Variants in CLVS1 observed in about 807,000 individuals in gnomAD.
CLVS1 encodes clavesin-1.
In CLVS1, 10 loss-of-function variants were observed where a neutral mutation model predicts 33.1. The observed-to-expected ratio is 0.30, with a 90% CI of 0.19 to 0.51. The LOEUF (loss-of-function observed/expected upper bound fraction) is 0.51. Ranked by LOEUF, CLVS1 falls within the 20% of genes least tolerant of loss-of-function variation. The probability of loss-of-function intolerance (pLI) is 0.97; values close to 1 mark genes in which losing one functional copy is unlikely to be tolerated. For missense variants in CLVS1, 343 were observed against 433.4 expected (o/e 0.79, Z 1.85); for synonymous variants, 163 against 166.1 (o/e 0.98, Z 0.14).
intron 2 of CLVS1, among the ~76,000 whole-genome samples, chr8:61,136,418 G>C (rs1388306427): frequency 6.6e-6 from 1 of 152,182 alleles, no homozygotes; most frequent in Non-Finnish European, 1.5e-5. Flanking sequence ...CAGTTGCAAA[G>C]ACATGGCATC....
At chr8:60,978,697 G>A in the CLVS1 span, among the ~76,000 whole-genome samples, 1 of 150,188 alleles carries the variant, frequency 6.7e-6, no homozygotes, top group Admixed American at 6.7e-5. Context: ...TGCCTGTAAT[G>A]CCAGATACTC....
chr8:61,231,046 T>C (rs1357371829), intron 2 of CLVS1, among the ~76,000 whole-genome samples: 2 of 152,114 alleles, frequency 1.3e-5, no homozygotes, highest in Non-Finnish European at 2.9e-5. Context: ...GGTTTCAACA[T>C]GTGTATCTTA....
At chr8:61,290,042 T>G in intron 1 of CLVS1, among the ~76,000 whole-genome samples, 1 of 152,218 alleles carries the variant, frequency 6.6e-6, no homozygotes, top group East Asian at 1.9e-4. Flanking sequence ...AGAAAGGAGA[T>G]TCTTAAAACT....
chr8:61,279,524 T>G (rs976282033), intron 2 of CLVS1, among the ~76,000 whole-genome samples: 4 of 152,210 alleles, frequency 2.6e-5, no homozygotes, highest in African/African-American at 9.6e-5. Context: ...CATTCAAATT[T>G]TGCAGAAAGA....
At chr8:61,374,577 T>C (rs980426810) in intron 2 of CLVS1, among the ~76,000 whole-genome samples, 7 of 152,154 alleles carry the variant, frequency 4.6e-5, no homozygotes, top group African/African-American at 1.7e-4. Flanking sequence ...GATAATTGTT[T>C]TGATGTGAAA....
chr8:61,051,932 C>T, the CLVS1 span, among the ~76,000 whole-genome samples: 370 of 152,382 alleles, frequency 2.4e-3, 1 homozygote, highest in African/African-American at 7.9e-3. Flanking sequence ...GTTGCCCAGG[C>T]CTCCTGTCCA....
At chr8:61,454,020 C>G in intron 3 of CLVS1, 121 bp from the exon 4 acceptor site, 1 of 730,856 alleles carries the variant, frequency 1.4e-6, no homozygotes, top group Non-Finnish European at 2.5e-6. Flanking sequence ...TCTCCTCATC[C>G]TGAAGCTAGA....
At chr8:61,455,736 C>T (rs1817126608) in intron 4 of CLVS1, among the ~76,000 whole-genome samples, 1 of 152,130 alleles carries the variant, frequency 6.6e-6, no homozygotes, top group African/African-American at 2.4e-5. Context: ...TCCTACAACA[C>T]CTTTTCCTGA....
At position 61,066,828 on chromosome 8, in the gene CLVS1, C is replaced by A. The variant is rs1200064793; in HGVS notation, c.-243+9598C>A. 2.0e-5 allele frequency among the ~76,000 whole-genome samples: 3 copies of A among 152,200 alleles called. No individual in the cohort carries two copies. In the East Asian group the frequency reaches 5.8e-4, roughly 29 times the overall value. On this transcript the variant is annotated intron_variant, in intron 1 of 2. Transcript: ENST00000522621. The stretch of plus-strand genomic sequence containing the variant: ...CAGTGGTATCTGTGTGTTGTTCCTG[C>A]CAAATTAGCCAGAAAGTTGGGAGTG...
At chr8:61,436,850 AGATT>A (rs1318116697) in intron 3 of CLVS1, among the ~76,000 whole-genome samples, 1 of 152,188 alleles carries the variant, frequency 6.6e-6, no homozygotes, top group Non-Finnish European at 1.5e-5. Flanking sequence ...GACAATAGAT[AGATT>A]AATAGGAGAA....
chr8:61,443,683 C>T (rs768233398), intron 3 of CLVS1, among the ~76,000 whole-genome samples: 1 of 152,110 alleles, frequency 6.6e-6, no homozygotes, highest in African/African-American at 2.4e-5. Context: ...ATAATTCCTT[C>T]CACTTTATTC....
At chr8:61,244,233 A>G (rs564114396) in intron 2 of CLVS1, among the ~76,000 whole-genome samples, 1 of 151,528 alleles carries the variant, frequency 6.6e-6, no homozygotes, top group South Asian at 2.1e-4. Context: ...TTTCTTTTTT[A>G]TTTCTTCTGT....
the CLVS1 span, among the ~76,000 whole-genome samples, chr8:61,026,090 T>A: frequency 1.4e-5 from 2 of 145,514 alleles, no homozygotes; most frequent in African/African-American, 5.1e-5. Flanking sequence ...TACCTCAGAA[T>A]GAGACTGTGT....
At chr8:61,272,850 C>A (rs995663221) in intron 2 of CLVS1, among the ~76,000 whole-genome samples, 1 of 152,160 alleles carries the variant, frequency 6.6e-6, no homozygotes, top group African/African-American at 2.4e-5. Context: ...TCCGTCAGCT[C>A]CTTTAAGCAC....
chr8:61,060,064 A>G (rs1460957774), intron 1 of CLVS1, among the ~76,000 whole-genome samples: 1 of 152,206 alleles, frequency 6.6e-6, no homozygotes, highest in African/African-American at 2.4e-5. Context: ...TGGCAGTAGG[A>G]TCACTCACCT....
At chr8:61,461,727 G>A (rs1010479097) in intron 5 of CLVS1, among the ~76,000 whole-genome samples, 1 of 152,072 alleles carries the variant, frequency 6.6e-6, no homozygotes, top group Non-Finnish European at 1.5e-5. Context: ...TCTTAGGAAG[G>A]TTCCTCTGAG....
intron 5 of CLVS1, among the ~76,000 whole-genome samples, chr8:61,471,169 A>G (rs759570549): frequency 6.6e-6 from 1 of 152,218 alleles, no homozygotes; most frequent in South Asian, 2.1e-4. Flanking sequence ...TACCTTGGGC[A>G]GGCCATGTAA....
intron 4 of CLVS1, 59 bp from the exon 5 acceptor site, chr8:61,458,243 GATGAA>G: frequency 1.7e-6 from 2 of 1,202,208 alleles, no homozygotes; most frequent in Non-Finnish European, 2.4e-6. Context: ...TTGTGTATTA[GATGAA>G]ATCTTTGGTC....
chr8:60,996,541 T>C, the CLVS1 span, among the ~76,000 whole-genome samples: 1 of 152,234 alleles, frequency 6.6e-6, no homozygotes, highest in Non-Finnish European at 1.5e-5. Flanking sequence ...ATCATTCTCT[T>C]GGACCCTCTA....
Sources: gnomAD v4.1 joint callset for allele counts (sites outside exome capture counted in the v4.1 genomes callset) on GRCh38, gnomAD v4.1.1 for gene constraint, MANE v1.5 for transcripts, NCBI Gene and HGNC (gene_info 2026-07-23, HGNC 2026-07-21) for gene names.